The following RNF212 variants were observed in gnomAD, a reference collection of about 807,000 sequenced individuals.
RNF212 encodes probable E3 SUMO-protein ligase RNF212.
RNF212 carries 33 observed loss-of-function variants against 34.7 expected under a neutral mutation model. The ratio of observed to expected loss-of-function variants is 0.95; its 90% CI spans 0.72 to 1.27. The LOEUF (loss-of-function observed/expected upper bound fraction) is 1.27, where lower values mean the gene tolerates loss of function less well. Ranked by LOEUF, RNF212 falls within the 50% of genes most tolerant of loss-of-function variation. The pLI is 0.00. For synonymous variants in RNF212, 140 were observed against 136.1 expected, an observed-to-expected ratio of 1.03 and a Z score of -0.20; for missense variants, 377 against 362.2, an observed-to-expected ratio of 1.04 and a Z score of -0.33.
chr4:1,073,727 C>T (rs1163538172), intron 8 of RNF212, 65 bp from the exon 9 acceptor site: 10 of 1,054,430 alleles, frequency 9.5e-6, no homozygotes, highest in African/African-American at 1.6e-5. Flanking sequence ...ATTCGGACTC[C>T]CACTGTCTGT....
At chr4:1,088,580 G>C (rs972364955) in intron 4 of RNF212, among the ~76,000 whole-genome samples, 1 of 152,232 alleles carries the variant, frequency 6.6e-6, no homozygotes, top group Non-Finnish European at 1.5e-5. Flanking sequence ...GCTGGCTGCA[G>C]AAATGTGCAT....
At chr4:1,091,808 C>T (rs1387895493) in intron 3 of RNF212, among the ~76,000 whole-genome samples, 1 of 152,204 alleles carries the variant, frequency 6.6e-6, no homozygotes, top group East Asian at 1.9e-4. Flanking sequence ...CTGGCTGCTG[C>T]GTCCTCGGAG....
chr4:1,059,352 A>G (rs374578346), intron 3 of RNF212, among the ~76,000 whole-genome samples: 11 of 152,252 alleles, frequency 7.2e-5, no homozygotes, highest in African/African-American at 2.7e-4. Context: ...AAGCTGTCTT[A>G]CTAGGCTGTG....
chr4:1,059,283 C>T (rs1018752626), intron 3 of RNF212, among the ~76,000 whole-genome samples: 1 of 152,248 alleles, frequency 6.6e-6, no homozygotes, highest in African/African-American at 2.4e-5. Flanking sequence ...GGCATCGTAA[C>T]TCCTCAGTCT....
In RNF212 at chr4:1,110,172, G is replaced by C. The variant is rs192874095; in HGVS notation, c.110-1768C>G. Among the ~76,000 whole-genome samples, 26 of 152,266 alleles carry C rather than the reference G, an allele frequency of 1.7e-4. No individual in the cohort carries two copies. In the East Asian group the frequency reaches 4.4e-3, roughly 26 times the overall value. ...AAATCACGTGCGGCCAAAAGACAAA[G>C]GGATTGATGCCTGATCTATAAATAG... On this transcript the variant is annotated intron_variant, in intron 1 of 9. Coordinates refer to ENST00000433731, the MANE Select transcript of RNF212 (RefSeq NM_001131034.4).
At chr4:1,066,809 C>A (rs1472277050), downstream of RNF212, among the ~76,000 whole-genome samples, 3 of 151,798 alleles carry the variant, frequency 2.0e-5, no homozygotes, top group African/African-American at 7.3e-5. Context: ...TTCATGAGGT[C>A]AATTTGTTTA....
intron 2 of RNF212, chr4:1,101,129 T>C (rs1208496718): frequency 1.2e-5 from 2 of 168,726 alleles, no homozygotes; most frequent in Admixed American, 1.2e-4. Context: ...GTGACCAGTA[T>C]GAGCATTGGC....
intron 3 of RNF212, chr4:1,093,400 G>T: frequency 2.1e-6 from 3 of 1,397,796 alleles, no homozygotes; most frequent in South Asian, 1.6e-5. Context: ...TTTATGTTAC[G>T]TTGATATTAG....
At chr4:1,073,772 TC>T in intron 8 of RNF212, 110 bp from the exon 9 acceptor site, 1 of 735,190 alleles carries the variant, frequency 1.4e-6, no homozygotes, top group Non-Finnish European at 2.4e-6. Context: ...ATCTCCCTCA[TC>T]TTTATCGCCC....
At chr4:1,094,884 C>T (rs1216688465) in intron 3 of RNF212, among the ~76,000 whole-genome samples, 1 of 152,166 alleles carries the variant, frequency 6.6e-6, no homozygotes, top group East Asian at 1.9e-4. Flanking sequence ...ACACCAAAAG[C>T]AAAAACAATA....
chr4:1,099,530 C>G lies in RNF212; in HGVS notation c.172-2691G>C, dbSNP rs532659346. Among the ~76,000 whole-genome samples the G allele has an allele frequency of 2.6e-5, 4 of 152,220 alleles. No homozygotes were observed. The South Asian group carries it at 6.2e-4, about 24-fold the overall frequency. On this transcript the variant is annotated intron_variant, in intron 2 of 9. Transcript: ENST00000433731. The stretch of plus-strand genomic sequence containing the variant: ...CGGGGAAGGCCAGGAGAAGGGGGAT[C>G]GGTGAGAGCTGAGGCCCTCGCATCA...
intron 8 of RNF212, 103 bp from the exon 9 acceptor site, chr4:1,073,765 T>C: frequency 1.3e-6 from 1 of 766,264 alleles, no homozygotes; most frequent in Non-Finnish European, 2.3e-6. Context: ...GAACCCCATC[T>C]CCCTCATCTT....
At position 1,090,674 on chromosome 4, in the gene RNF212, T is replaced by C. The variant is rs112759663; in HGVS notation, c.303+108A>G. 986 of 727,642 alleles carry C rather than the reference T, an allele frequency of 1.4e-3. 9 individuals are homozygous for C. The African/African-American group carries it at 0.015, about 11-fold the overall frequency. 45.1% of individuals were successfully genotyped at this position (727,642 alleles called of 1,614,324 possible). Reference sequence around the variant, plus strand: ...CTGGAAACACACAGAGAAACAGATATTGCATCTAGCAGCCATCCCCTTTGA... The same window carrying C: ...CTGGAAACACACAGAGAAACAGATACTGCATCTAGCAGCCATCCCCTTTGA... On this transcript the variant is annotated intron_variant, in intron 4 of 9. Coordinates refer to ENST00000433731, the MANE Select transcript of RNF212 (RefSeq NM_001131034.4).
chr4:1,070,495 C>T, downstream of RNF212, among the ~76,000 whole-genome samples: 2 of 85,500 alleles, frequency 2.3e-5, no homozygotes, highest in Admixed American at 1.2e-4. Context: ...GGGTGCCTGG[C>T]CTGAGTTGTG....
At chr4:1,071,130 C>G (rs766714864), downstream of RNF212, among the ~76,000 whole-genome samples, 4 of 150,448 alleles carry the variant, frequency 2.7e-5, no homozygotes, top group Non-Finnish European at 4.4e-5. Flanking sequence ...TTTTTAAATA[C>G]TGTTCTTACA....
chr4:1,064,237 G>C (rs1379408728), intron 3 of RNF212, among the ~76,000 whole-genome samples: 2 of 152,148 alleles, frequency 1.3e-5, no homozygotes, highest in African/African-American at 4.8e-5. Context: ...ATATGACAAA[G>C]CAGGTGGGAG....
At chr4:1,099,983 A>G (rs749143237) in intron 2 of RNF212, 4 of 425,924 alleles carry the variant, frequency 9.4e-6, no homozygotes, top group Non-Finnish European at 1.9e-5. Flanking sequence ...GCCGCTAGGC[A>G]GGAACGGGGT....
At chr4:1,088,937 G>A (rs555880584) in intron 4 of RNF212, among the ~76,000 whole-genome samples, 2 of 152,250 alleles carry the variant, frequency 1.3e-5, no homozygotes. Context: ...GTATGGAAAT[G>A]CCTGGATGTC....
intron 4 of RNF212, among the ~76,000 whole-genome samples, chr4:1,090,386 G>C (rs1002970845): frequency 1.3e-4 from 20 of 152,182 alleles, no homozygotes; most frequent in African/African-American, 4.8e-4. Context: ...CTTTAAAGCT[G>C]GGTTCCTGAC....
Sources: gnomAD v4.1 joint callset for allele counts (sites outside exome capture counted in the v4.1 genomes callset) on GRCh38, gnomAD v4.1.1 for gene constraint, MANE v1.5 for transcripts, NCBI Gene and HGNC (gene_info 2026-07-23, HGNC 2026-07-21) for gene names.